The following UNC79 variants were observed in gnomAD, a reference collection of about 807,000 sequenced individuals.
UNC79 encodes unc-79 subunit of NALCN channel complex, also known as protein unc-79 homolog.
Under a neutral mutation model 283.1 loss-of-function variants are expected in UNC79, and 37 were observed. That is an observed-to-expected ratio of 0.13 (90% CI 0.10 to 0.17). The LOEUF (loss-of-function observed/expected upper bound fraction) is 0.17, where lower values mean the gene tolerates loss of function less well. Among genes scored for constraint, UNC79 ranks in the 10% least tolerant of loss-of-function variants. UNC79 has a pLI of 1.00. For missense variants in UNC79, 2,272 were observed against 3,211.1 expected (o/e 0.71, Z 7.07); for synonymous variants, 1,107 against 1,200.2 (o/e 0.92, Z 1.61).
chr14:93,605,019 T>C (rs1438244948), intron 26 of UNC79, 58 bp downstream of exon 27: 2 of 1,513,050 alleles, frequency 1.3e-6, no homozygotes, highest in African/African-American at 2.7e-5. Flanking sequence ...GTGGACAAGG[T>C]AGAGAATGCG....
At position 93,379,474 on chromosome 14, in the gene UNC79, GTA is replaced by G. The variant is rs2054622267; in HGVS notation, c.-351+45953_-351+45954del. On this transcript the variant is annotated intron_variant, in intron 1 of 49. Transcript: ENST00000256339. ...AAAGGTTTCATGACTTTAAGCCCAA[GTA>G]TCACCTTACATCCTGCAGACATTTA... Among the ~76,000 whole-genome samples, 3 of 152,228 alleles carry G rather than the reference GTA, an allele frequency of 2.0e-5. No homozygotes were observed. In the South Asian group the frequency reaches 6.2e-4, roughly 32 times the overall value.
chr14:93,522,845 C>T (rs2060384884), intron 7 of UNC79, among the ~76,000 whole-genome samples: 1 of 151,974 alleles, frequency 6.6e-6, no homozygotes, highest in Admixed American at 6.6e-5. Flanking sequence ...CCGTGAATCC[C>T]CAACTAGACA....
chr14:93,644,018 A>G (rs1014258583), intron 34 of UNC79, among the ~76,000 whole-genome samples: 1 of 152,170 alleles, frequency 6.6e-6, no homozygotes, highest in Non-Finnish European at 1.5e-5. Context: ...GATAGTAAAC[A>G]CTTCGTAAGT....
chr14:93,638,962 A>G (rs2068761643), intron 32 of UNC79, among the ~76,000 whole-genome samples: 1 of 152,250 alleles, frequency 6.6e-6, no homozygotes, highest in Non-Finnish European at 1.5e-5. Context: ...GTCTGCTTTT[A>G]TAGATGACGG....
chr14:93,407,165 C>T (rs550217850), intron 1 of UNC79, among the ~76,000 whole-genome samples: 1 of 152,274 alleles, frequency 6.6e-6, no homozygotes, highest in South Asian at 2.1e-4. Context: ...ATGAGCTCAT[C>T]TTAACTTGAT....
Position 93,621,546 on chromosome 14 carries a change from G to T in UNC79, c.4388-75G>T. ...ATTGTGATGATGATTTATGCCAATTGTATGCCCAAGGATGAGGGGAAAAAA... is the reference window on the plus strand; with the variant it reads ...ATTGTGATGATGATTTATGCCAATTTTATGCCCAAGGATGAGGGGAAAAAA... On this transcript the variant is annotated intron_variant, in intron 29 of 48. Coordinates refer to ENST00000555664, the Ensembl canonical transcript of UNC79. The surrounding 1 kb of genome is among the most constrained non-coding windows in gnomAD (Gnocchi z 4.8). 1.4e-6 allele frequency: 2 copies of T among 1,448,456 alleles called. No homozygotes were observed. Among genetic ancestry groups the T allele is most frequent in the Non-Finnish European group, 1.8e-6 (2 of 1,097,788 alleles). The allele number at this position is 1,448,456 out of a possible 1,614,324, so 89.7% of individuals were successfully genotyped here.
chr14:93,372,373 C>G (rs2054470439), intron 1 of UNC79, among the ~76,000 whole-genome samples: 1 of 152,110 alleles, frequency 6.6e-6, no homozygotes, highest in South Asian at 2.1e-4. Context: ...AGTTAAAAGA[C>G]AGAGATTGTC....
At chr14:93,628,708 A>T (rs1476245865) in intron 30 of UNC79, among the ~76,000 whole-genome samples, 1 of 152,192 alleles carries the variant, frequency 6.6e-6, no homozygotes, top group East Asian at 1.9e-4. Flanking sequence ...TAAAAATTGA[A>T]TACAAATATT....
intron 47 of UNC79, among the ~76,000 whole-genome samples, chr14:93,697,376 T>A (rs2075213648): frequency 6.6e-6 from 1 of 152,186 alleles, no homozygotes; most frequent in African/African-American, 2.4e-5. Flanking sequence ...CCTCAGGTGA[T>A]CTGCCCACCT....
At chr14:93,639,960 T>C (rs928961251) in intron 32 of UNC79, among the ~76,000 whole-genome samples, 1 of 152,238 alleles carries the variant, frequency 6.6e-6, no homozygotes, top group East Asian at 1.9e-4. Flanking sequence ...TACTAATTCC[T>C]TGATGAGAAA....
chr14:93,406,624 A>G (rs903065564), intron 1 of UNC79, among the ~76,000 whole-genome samples: 2 of 152,126 alleles, frequency 1.3e-5, no homozygotes, highest in Non-Finnish European at 2.9e-5. Flanking sequence ...ATCTAATAAT[A>G]TAATACATCT....
intron 1 of UNC79, among the ~76,000 whole-genome samples, chr14:93,443,272 T>C (rs2140140358): frequency 6.6e-6 from 1 of 151,328 alleles, no homozygotes; most frequent in South Asian, 2.1e-4. Flanking sequence ...TATCCTTATC[T>C]TAGAAAGATT....
chr14:93,480,975 A>G (rs1490096244), intron 4 of UNC79, among the ~76,000 whole-genome samples: 5 of 152,192 alleles, frequency 3.3e-5, no homozygotes, highest in Non-Finnish European at 5.9e-5. Context: ...AAATGATTCT[A>G]TCCTTAAGGA....
Position 93,525,507 on chromosome 14 carries a change from T to G in UNC79, c.963+1465T>G, listed in dbSNP as rs188373743. Among the ~76,000 whole-genome samples the G allele has an allele frequency of 2.0e-5, 3 of 152,204 alleles. No homozygotes were observed. In the East Asian group the frequency reaches 5.8e-4, roughly 29 times the overall value. On this transcript the variant is annotated intron_variant, in intron 8 of 48. Coordinates refer to ENST00000555664, the Ensembl canonical transcript of UNC79. ...CAATGGAAGTGTAGGCCCTTCCCAT[T>G]CTACTGTGTGCACCCCACTGTTGAC... is the stretch of plus-strand genomic sequence containing the variant.
At chr14:93,662,520 A>T in intron 39 of UNC79, 84 bp from the exon 43 acceptor site, 5 of 915,846 alleles carry the variant, frequency 5.5e-6, no homozygotes, top group Non-Finnish European at 8.1e-6. Flanking sequence ...TGATTCCATT[A>T]GTTAAAGTAT....
chr14:93,579,571 T>C (rs940699970), intron 18 of UNC79, among the ~76,000 whole-genome samples: 1 of 152,228 alleles, frequency 6.6e-6, no homozygotes, highest in Non-Finnish European at 1.5e-5. Flanking sequence ...TCTGTTACTA[T>C]GATTCTGTAT....
In UNC79 at chr14:93,580,154, G is replaced by A. The variant is rs145472520; in HGVS notation, c.2439G>A (p.Glu813=). ...CTTTTTTTGATGTCTTTCAGATGGA[G>A]TTACAAGATGATGGAATCACGATGG... Residue 813 remains glutamate, a synonymous_variant, in exon 19 of 49, where the codon GAG becomes GAA. Transcript: ENST00000555664. 185 of 1,612,092 alleles carry A rather than the reference G, an allele frequency of 1.1e-4. No homozygotes were observed. The African/African-American group carries it at 2.2e-3, about 19-fold the overall frequency.
At chr14:93,659,412 CT>C (rs996980495) in intron 39 of UNC79, 151 bp downstream of exon 42, 3 of 627,062 alleles carry the variant, frequency 4.8e-6, no homozygotes, top group African/African-American at 1.9e-5. Flanking sequence ...AGGTCAGTGC[CT>C]TGTATAAAGA....
At chr14:93,404,250 T>C (rs1282661610) in intron 1 of UNC79, among the ~76,000 whole-genome samples, 1 of 151,306 alleles carries the variant, frequency 6.6e-6, no homozygotes, top group Non-Finnish European at 1.5e-5. Flanking sequence ...GTTTTAGAAT[T>C]TGTTAAAAAA....
Sources: allele counts gnomAD v4.1 joint callset (sites outside exome capture counted in the v4.1 genomes callset), GRCh38; gene constraint gnomAD v4.1.1; non-coding constraint Gnocchi (gnomAD v3.1); transcripts MANE v1.5; gene names NCBI Gene and HGNC (gene_info 2026-07-23, HGNC 2026-07-21).